The following CDK5RAP1 variants were observed in gnomAD, a reference collection of about 807,000 sequenced individuals.
CDK5RAP1 encodes mitochondrial tRNA methylthiotransferase CDK5RAP1.
Under a neutral mutation model 64.5 loss-of-function variants are expected in CDK5RAP1, and 62 were observed. The ratio of observed to expected loss-of-function variants is 0.96; its 90% CI spans 0.78 to 1.19. CDK5RAP1 has a LOEUF of 1.19. CDK5RAP1 is among the 50% of genes most tolerant of loss of function. CDK5RAP1 has a pLI of 0.00. For synonymous variants in CDK5RAP1, 250 were observed against 261.9 expected (o/e 0.95, Z 0.44); for missense variants, 657 against 735.0 (o/e 0.89, Z 1.23).
At chr20:33,369,861 G>A (rs925140757) in intron 11 of CDK5RAP1, among the ~76,000 whole-genome samples, 2 of 152,206 alleles carry the variant, frequency 1.3e-5, no homozygotes, top group African/African-American at 4.8e-5. Flanking sequence ...GCCACAGGGG[G>A]CCTTCAACCT....
intron 11 of CDK5RAP1, 51 bp downstream of exon 11, chr20:33,370,448 C>T: frequency 6.2e-7 from 1 of 1,604,776 alleles, no homozygotes; most frequent in Non-Finnish European, 8.5e-7. Flanking sequence ...ACAGTCACCA[C>T]CCCCAAACTG....
chr20:33,366,318 C>CAAA (rs759479446), intron 12 of CDK5RAP1, among the ~76,000 whole-genome samples: 1 of 31,770 alleles, frequency 3.1e-5, no homozygotes, highest in Non-Finnish European at 6.5e-5. Context: ...GACTCCATCT[C>CAAA]AAAAAAAAAA....
In CDK5RAP1 at chr20:33,395,112, G is replaced by A. The variant is rs1415512565; in HGVS notation, c.309C>T (p.Tyr103=). 6.3e-7 allele frequency: 1 copy of A among 1,595,074 alleles called. No homozygotes were observed. The highest frequency in any genetic ancestry group is 8.6e-7 in the Non-Finnish European group (1 of 1,162,974). Residue 103 remains tyrosine (Y), a synonymous_variant, in exon 3 of 14, where the codon TAC becomes TAT. Coordinates refer to ENST00000346416, the MANE Select transcript of CDK5RAP1 (RefSeq NM_016408.4). ...TCATCTGGCAGCCATAGGTCTCGAG[G>A]TAGACTGCAGTGAGAGGTTGGGGGG... is the stretch of plus-strand genomic sequence containing the variant. ...DELLGRQRKV[Y]LETYGCQMNV... is the part of the protein sequence containing the mutation.
chr20:33,392,462 A>ATTT (rs1202756640), intron 4 of CDK5RAP1, among the ~76,000 whole-genome samples: 13 of 118,970 alleles, frequency 1.1e-4, no homozygotes, highest in African/African-American at 2.8e-4. Flanking sequence ...TTTGGGGGGG[A>ATTT]TTTTTTTTTT....
chr20:33,364,519 C>G (rs1181129439), intron 12 of CDK5RAP1, among the ~76,000 whole-genome samples: 1 of 152,050 alleles, frequency 6.6e-6, no homozygotes, highest in Non-Finnish European at 1.5e-5. Flanking sequence ...TTTAAAATCA[C>G]CCACCAGGAG....
At position 33,396,841 on chromosome 20, in the gene CDK5RAP1, G is replaced by A. The variant is rs370504202; in HGVS notation, c.224C>T (p.Pro75Leu). The change falls in exon 2 of 14, where the codon CCT (proline) becomes CTT (leucine). Residue 75 changes from proline to leucine, a missense_variant. Pro to Leu is a moderately conservative substitution (Grantham distance 98). Coordinates refer to ENST00000346416, the MANE Select transcript of CDK5RAP1 (RefSeq NM_016408.4). ...FQHFLKSASA[P>L]QEKLSSEVED... ...CACTTCTGAAGACAGCTTCTCCTGA[G>A]GAGCTGAGGCACTTTTTAAAAAATG... is the stretch of plus-strand genomic sequence containing the variant. The A allele has an allele frequency of 2.4e-5, 39 of 1,614,050 alleles. No individual in the cohort carries two copies. The highest frequency in any genetic ancestry group is 3.3e-5 in the Non-Finnish European group (39 of 1,180,040).
At chr20:33,380,595 T>C (rs1160263089) in intron 7 of CDK5RAP1, among the ~76,000 whole-genome samples, 1 of 152,192 alleles carries the variant, frequency 6.6e-6, no homozygotes, top group Non-Finnish European at 1.5e-5. Flanking sequence ...GTCTACAAAT[T>C]ACTTCAAATG....
chr20:33,372,957 G>A (rs149144337), intron 9 of CDK5RAP1: 1 of 262,878 alleles, frequency 3.8e-6, no homozygotes, highest in African/African-American at 2.3e-5. Flanking sequence ...CTGTCTCTCA[G>A]GCTGGAGTGC....
At chr20:33,392,277 A>C in intron 4 of CDK5RAP1, 35 bp from the exon 5 acceptor site, 1 of 1,330,932 alleles carries the variant, frequency 7.5e-7, no homozygotes, top group South Asian at 1.2e-5. Flanking sequence ...CTGAACCAAA[A>C]ATAAACCACA....
In CDK5RAP1 at chr20:33,394,027, C is replaced by T. The variant is rs773765619; in HGVS notation, c.443+5G>A. ...TTCACTCCTAGGAAAAGAACAAATT[C>T]GCACCTGATAGAGCATGTGACAAGG... On this transcript the variant is annotated splice_donor_5th_base_variant and intron_variant, in intron 4 of 13. Coordinates refer to ENST00000346416, the MANE Select transcript of CDK5RAP1 (RefSeq NM_016408.4). 19 of 1,588,792 alleles carry T rather than the reference C, an allele frequency of 1.2e-5. No homozygotes were observed. Among genetic ancestry groups the T allele is most frequent in the Middle Eastern group, 1.7e-4 (1 of 6,028 alleles).
chr20:33,374,546 C>T (rs192799481), intron 8 of CDK5RAP1, among the ~76,000 whole-genome samples: 1 of 151,726 alleles, frequency 6.6e-6, no homozygotes, highest in Non-Finnish European at 1.5e-5. Flanking sequence ...TTTCAGCTAG[C>T]TTACAAAGCA....
intron 5 of CDK5RAP1, among the ~76,000 whole-genome samples, chr20:33,389,770 G>C (rs1261321353): frequency 1.3e-5 from 2 of 152,202 alleles, no homozygotes; most frequent in East Asian, 3.9e-4. Flanking sequence ...AGAAAAGGGG[G>C]AAATGTGGGG....
At chr20:33,369,460 G>A (rs1394026865) in intron 11 of CDK5RAP1, among the ~76,000 whole-genome samples, 1 of 151,066 alleles carries the variant, frequency 6.6e-6, no homozygotes, top group Non-Finnish European at 1.5e-5. Context: ...TCCAGCCTGG[G>A]CAACAGAGCG....
intron 8 of CDK5RAP1, among the ~76,000 whole-genome samples, chr20:33,378,892 C>T (rs2065703): frequency 0.11 from 17,061 of 152,106 alleles, 1,344 homozygotes; most frequent in Non-Finnish European, 0.16. Flanking sequence ...ACAGCCCTCA[C>T]GGTCCCGCAG....
chr20:33,385,779 G>GA lies in CDK5RAP1; in HGVS notation c.756-10dup. ...AGCCTCGCATGATTGACCTGGAGAA[G>GA]AAAGTACCAGAACTTAGTAACAGTA... On this transcript the variant is annotated splice_polypyrimidine_tract_variant and intron_variant, in intron 6 of 13. Coordinates refer to ENST00000346416, the MANE Select transcript of CDK5RAP1 (RefSeq NM_016408.4). 1 of 1,609,396 alleles carries GA rather than the reference G, an allele frequency of 6.2e-7. No individual in the cohort carries two copies. The highest frequency in any genetic ancestry group is 8.5e-7 in the Non-Finnish European group (1 of 1,177,860).
At chr20:33,370,329 G>A (rs1190556475) in intron 11 of CDK5RAP1, among the ~76,000 whole-genome samples, 170 bp downstream of exon 11, 2 of 152,126 alleles carry the variant, frequency 1.3e-5, no homozygotes, top group Admixed American at 6.5e-5. Flanking sequence ...TTGCTGAACC[G>A]TTTCAGAGTA....
At chr20:33,369,561 C>A (rs919313442) in intron 11 of CDK5RAP1, among the ~76,000 whole-genome samples, 1 of 152,026 alleles carries the variant, frequency 6.6e-6, no homozygotes, top group Non-Finnish European at 1.5e-5. Context: ...CTAAAAGATA[C>A]ATGAATATGA....
chr20:33,360,520 G>A (rs377442562), intron 12 of CDK5RAP1, 29 bp from the exon 13 acceptor site: 341 of 1,592,286 alleles, frequency 2.1e-4, no homozygotes, highest in Non-Finnish European at 2.8e-4. Context: ...AGAGTTCGTG[G>A]ATTTGTCACA....
At chr20:33,374,280 C>A in intron 8 of CDK5RAP1, 68 bp from the exon 9 acceptor site, 1 of 986,532 alleles carries the variant, frequency 1.0e-6, no homozygotes, top group Non-Finnish European at 1.6e-6. Context: ...AGCAATACCG[C>A]TCTTACTATG....
Sources: allele counts gnomAD v4.1 joint callset (sites outside exome capture counted in the v4.1 genomes callset), GRCh38; gene constraint gnomAD v4.1.1; transcripts MANE v1.5; gene names NCBI Gene and HGNC (gene_info 2026-07-23, HGNC 2026-07-21).